CRMP1: variants seen among roughly 807,000 people sequenced by gnomAD.
CRMP1 encodes the protein collapsin response mediator protein 1.
A neutral mutation model predicts 68.3 loss-of-function variants in CRMP1; 19 were observed. That is an observed-to-expected ratio of 0.28 (90% confidence interval 0.19 to 0.41). The LOEUF (loss-of-function observed/expected upper bound fraction) is 0.41, where lower values mean the gene tolerates loss of function less well. Ranked by LOEUF, CRMP1 falls within the 10% of genes least tolerant of loss-of-function variation. CRMP1 has a pLI of 1.00. For synonymous variants in CRMP1, 439 were observed against 399.6 expected (o/e 1.10, Z -1.18); for missense variants, 791 against 967.4 (o/e 0.82, Z 2.42).
Position 5,892,870 on chromosome 4 carries a change from C to A in CRMP1, c.100G>T (p.Gly34Cys). The change falls in exon 1 of 14, where the codon GGC becomes TGC. Residue 34 changes from glycine to cysteine, a missense_variant. Coordinates refer to ENST00000324989, the MANE Select transcript of CRMP1 (RefSeq NM_001014809.3). The surrounding 1 kb of genome is among the most constrained non-coding windows in gnomAD (Gnocchi z 8.6). Reference sequence around the variant, plus strand: ...GCGCCCTCCACCGCGGCGAACATGCCGCCGTACTTCTGGCGCGGGGTCTGC... The same window carrying A: ...GCGCCCTCCACCGCGGCGAACATGCAGCCGTACTTCTGGCGCGGGGTCTGC... ...AAQTPRQKYG[G>C]MFAAVEGAYE... 1.4e-6 allele frequency: 2 copies of A among 1,414,938 alleles called. No homozygotes were observed. The highest frequency in any genetic ancestry group is 2.7e-5 in the South Asian group (2 of 72,962). The allele number at this position is 1,414,938 out of a possible 1,614,324, so 87.6% of individuals were successfully genotyped here. A position where few individuals can be genotyped will look rare whatever the true frequency, so the allele number is the denominator to read the frequency against.
At chr4:5,832,525 A>G (rs1560488015) in intron 11 of CRMP1, among the ~76,000 whole-genome samples, 1 of 152,222 alleles carries the variant, frequency 6.6e-6, no homozygotes, top group African/African-American at 2.4e-5. Context: ...TAAAAGTAAC[A>G]TTTTTTTAAA....
rs1715222744 is a variant in CRMP1, at chr4:5,881,567, C to G, written c.381+11022G>C. 6.6e-6 allele frequency among the ~76,000 whole-genome samples: 1 copy of G among 152,118 alleles called. No individual in the cohort carries two copies. The highest frequency in any genetic ancestry group is 1.5e-5 in the Non-Finnish European group (1 of 68,020). On this transcript the variant is annotated intron_variant, in intron 1 of 13. Coordinates refer to ENST00000324989, the MANE Select transcript of CRMP1 (RefSeq NM_001014809.3). This position sits in a 1 kb window ranked among gnomAD's most constrained non-coding sequence, Gnocchi z 4.6. The stretch of plus-strand genomic sequence containing the variant: ...ACCGTGGTGCTGTCCACTGCCCCGA[C>G]CATGTTCTTTTATATGCTCTCACGG...
At position 5,843,047 on chromosome 4, in the gene CRMP1, CT is replaced by C. The variant is rs1560496593; in HGVS notation, c.1032+45del. 1 of 1,576,426 alleles carries C rather than the reference CT, an allele frequency of 6.3e-7. No homozygotes were observed. The highest frequency in any genetic ancestry group is 8.7e-7 in the Non-Finnish European group (1 of 1,146,762). On this transcript the variant is annotated intron_variant, in intron 7 of 13. Transcript: ENST00000324989. The surrounding 1 kb of genome is among the most constrained non-coding windows in gnomAD (Gnocchi z 4.1). ...AGCTGGAACAGCATCAAGGTGAGTG[CT>C]CAGTGGTGAGTGTCAGAGTCATGCC...
rs2152464584 is a variant in CRMP1, at chr4:5,854,007, C to A, written c.820+2136G>T. 6.6e-6 allele frequency among the ~76,000 whole-genome samples: 1 copy of A among 152,348 alleles called. No individual in the cohort carries two copies. Among genetic ancestry groups the A allele is most frequent in the East Asian group, 1.9e-4 (1 of 5,176 alleles). ...GCTCCCTGGATGCCTGCAGGCAGCA[C>A]AGACCCACTAGGCCTCACGGAGCCC... On this transcript the variant is annotated intron_variant, in intron 4 of 13. Transcript: ENST00000324989. The surrounding 1 kb of genome is among the most constrained non-coding windows in gnomAD (Gnocchi z 4.0).
chr4:5,878,653 G>A (rs956836871), intron 1 of CRMP1, among the ~76,000 whole-genome samples: 4 of 152,320 alleles, frequency 2.6e-5, no homozygotes, highest in African/African-American at 9.6e-5. Flanking sequence ...GCAGAGGGCA[G>A]ACTACCTAGG....
At chr4:5,868,290 T>TATAGATATATATATATATATATATATAG (rs1714172873) in intron 1 of CRMP1, among the ~76,000 whole-genome samples, 1 of 131,396 alleles carries the variant, frequency 7.6e-6, no homozygotes, top group Non-Finnish European at 1.6e-5. Flanking sequence ...TATATATATA[T>TATAGATATATATATATATATATATATAG]ATATATATAT....
rs1715398083 is a variant in CRMP1 at position 5,883,993 on chromosome 4, T to TC, written c.381+8595dup. On this transcript the variant is annotated intron_variant, in intron 1 of 13. Transcript: ENST00000324989. The surrounding 1 kb of genome is among the most constrained non-coding windows in gnomAD (Gnocchi z 4.5). ...AAATGGTCCACTTCTTCCTCTCTGATCATGACCTTGACATCATGGAGGGTG... is the reference window on the plus strand; with the variant it reads ...AAATGGTCCACTTCTTCCTCTCTGATCCATGACCTTGACATCATGGAGGGTG... 6.6e-6 allele frequency among the ~76,000 whole-genome samples: 1 copy of TC among 152,244 alleles called. No individual in the cohort carries two copies. The highest frequency in any genetic ancestry group is 1.5e-5 in the Non-Finnish European group (1 of 68,042).
intron 1 of CRMP1, among the ~76,000 whole-genome samples, chr4:5,885,035 A>T (rs1388618018): frequency 6.6e-6 from 1 of 151,722 alleles, no homozygotes; most frequent in Admixed American, 6.6e-5. Context: ...AATATTTCAC[A>T]CAGTCCTTGG....
intron 8 of CRMP1, among the ~76,000 whole-genome samples, chr4:5,839,885 C>T (rs1711576914): frequency 6.6e-6 from 1 of 152,234 alleles, no homozygotes; most frequent in Non-Finnish European, 1.5e-5. Context: ...CGCCCCGCCA[C>T]GCGCTCCATG....
Position 5,843,170 on chromosome 4 carries a change from C to A in CRMP1, c.964-9G>T, listed in dbSNP as rs201973280. ...AGGATCCGCTTTTGTTCCTACAAGA[C>A]AAGAACAAGTGAGTTAACGATTAGA... On this transcript the variant is annotated splice_polypyrimidine_tract_variant and intron_variant, in intron 6 of 13. Transcript: ENST00000324989. The surrounding 1 kb of genome is among the most constrained non-coding windows in gnomAD (Gnocchi z 4.1). 1.2e-6 allele frequency: 2 copies of A among 1,614,106 alleles called. No homozygotes were observed. The highest frequency in any genetic ancestry group is 1.7e-6 in the Non-Finnish European group (2 of 1,179,984).
At position 5,892,811 on chromosome 4, in the gene CRMP1, G is replaced by T; in HGVS notation, c.159C>A (p.Tyr53Ter). 1 of 1,397,268 alleles carries T rather than the reference G, an allele frequency of 7.2e-7. No homozygotes were observed. The highest frequency in any genetic ancestry group is 9.4e-7 in the Non-Finnish European group (1 of 1,063,412). The allele number at this position is 1,397,268 out of a possible 1,614,324, so 86.6% of individuals were successfully genotyped here. A position where few individuals can be genotyped will look rare whatever the true frequency, so the allele number is the denominator to read the frequency against. Reference protein sequence around the residue: ...YENKTIDFDAYSVGRRGSART... With the variant: ...YENKTIDFDA Reference sequence around the variant, plus strand: ...GCGCCGAGCCGCGGCGGCCCACACTGTAGGCGTCGAAGTCGATGGTCTTGT... The same window carrying T: ...GCGCCGAGCCGCGGCGGCCCACACTTTAGGCGTCGAAGTCGATGGTCTTGT... The change falls in exon 1 of 14, where the codon TAC (tyrosine) becomes TAA (stop). Residue 53 changes from tyrosine to a stop codon, truncating the protein, a stop_gained. Coordinates refer to ENST00000324989, the MANE Select transcript of CRMP1 (RefSeq NM_001014809.3). LOFTEE classifies it high-confidence loss of function. The surrounding 1 kb of genome is among the most constrained non-coding windows in gnomAD (Gnocchi z 8.6).
At position 5,891,137 on chromosome 4, in the gene CRMP1, C is replaced by G. The variant is rs1405066386; in HGVS notation, c.381+1452G>C. On this transcript the variant is annotated intron_variant, in intron 1 of 13. Coordinates refer to ENST00000324989, the MANE Select transcript of CRMP1 (RefSeq NM_001014809.3). The surrounding 1 kb of genome is among the most constrained non-coding windows in gnomAD (Gnocchi z 5.2). ...GGGAAGAGGAAGCTGGACTCTCGCA[C>G]CATCTCCCTTTCTGATCACCCCACC... Among the ~76,000 whole-genome samples the G allele has an allele frequency of 6.6e-6, 1 of 151,338 alleles. No individual in the cohort carries two copies. The highest frequency in any genetic ancestry group is 2.0e-4 in the East Asian group (1 of 5,088).
At chr4:5,863,935 A>C (rs539903370) in intron 2 of CRMP1, among the ~76,000 whole-genome samples, 1 of 152,268 alleles carries the variant, frequency 6.6e-6, no homozygotes, top group South Asian at 2.1e-4. Flanking sequence ...ACCGTCACTC[A>C]CTCAGCTTCA....
intron 3 of CRMP1, among the ~76,000 whole-genome samples, chr4:5,857,588 G>A (rs893977997): frequency 4.6e-5 from 7 of 152,054 alleles, no homozygotes; most frequent in Admixed American, 1.3e-4. Flanking sequence ...ACATAAGTTC[G>A]TTCATTCAAT....
rs1367553453 is a variant in CRMP1 at position 5,877,922 on chromosome 4, T to C, written c.382-11166A>G. ...CTGCACGCTGCATAGGGAAAGACGA[T>C]GCTAGCTGCATGTGTGATCGGTAAC... is the stretch of plus-strand genomic sequence containing the variant. On this transcript the variant is annotated intron_variant, in intron 1 of 13. Transcript: ENST00000324989. This position sits in a 1 kb window ranked among gnomAD's most constrained non-coding sequence, Gnocchi z 4.3. Among the ~76,000 whole-genome samples the C allele has an allele frequency of 2.6e-5, 4 of 152,218 alleles. No homozygotes were observed. The highest frequency in any genetic ancestry group is 5.9e-5 in the Non-Finnish European group (4 of 68,042).
Position 5,881,120 on chromosome 4 carries a change from C to T in CRMP1, c.381+11469G>A, listed in dbSNP as rs904255620. On this transcript the variant is annotated intron_variant, in intron 1 of 13. Transcript: ENST00000324989. This position sits in a 1 kb window ranked among gnomAD's most constrained non-coding sequence, Gnocchi z 4.6. ...CCACACATGGTGTGCCAGGTCAAGG[C>T]GAATGCTCTGGATGCCTGGGACACA... 4.6e-5 allele frequency among the ~76,000 whole-genome samples: 7 copies of T among 152,322 alleles called. No homozygotes were observed. The South Asian group carries it at 1.2e-3, about 27-fold the overall frequency.
At position 5,888,184 on chromosome 4, in the gene CRMP1, C is replaced by T; in HGVS notation, c.381+4405G>A. 1.6e-6 allele frequency: 2 copies of T among 1,244,680 alleles called. No individual in the cohort carries two copies. Among genetic ancestry groups the T allele is most frequent in the Non-Finnish European group, 2.0e-6 (2 of 991,922 alleles). The allele number at this position is 1,244,680 out of a possible 1,614,324, so 77.1% of individuals were successfully genotyped here. On this transcript the variant is annotated intron_variant, in intron 1 of 13. Coordinates refer to ENST00000324989, the MANE Select transcript of CRMP1 (RefSeq NM_001014809.3). This position sits in a 1 kb window ranked among gnomAD's most constrained non-coding sequence, Gnocchi z 6.4. Reference sequence around the variant, plus strand: ...GACCCTGCCGGGCGCCCACTCCCAGCCCACAAAGGCCAGCGCGGGGCGGCG... The same window carrying T: ...GACCCTGCCGGGCGCCCACTCCCAGTCCACAAAGGCCAGCGCGGGGCGGCG...
intron 11 of CRMP1, 137 bp from the exon 12 acceptor site, chr4:5,828,805 G>A (rs993927676): frequency 1.9e-6 from 2 of 1,075,044 alleles, no homozygotes; most frequent in Non-Finnish European, 2.6e-6. Context: ...ACCTTTTATT[G>A]ACTGTAATAT....
At chr4:5,846,757 ATTTTTTTTTTTTTTTTTTT>A (rs71171490) in intron 6 of CRMP1, among the ~76,000 whole-genome samples, 11,650 of 54,170 alleles carry the variant, frequency 0.22, 915 homozygotes, top group Admixed American at 0.35. Context: ...TGCCCGGCTA[ATTTTTTTTTTTTTTTTTTT>A]TTTTTTTTTT....
Sources: gnomAD v4.1 joint callset for allele counts (sites outside exome capture counted in the v4.1 genomes callset) on GRCh38, gnomAD v4.1.1 for gene constraint, Gnocchi (gnomAD v3.1) non-coding constraint, MANE v1.5 for transcripts, NCBI Gene and HGNC (gene_info 2026-07-23, HGNC 2026-07-21) for gene names.